Variants in POU2AF2 observed in about 807,000 individuals in gnomAD.
POU2AF2 encodes POU class 2 homeobox associating factor 2, also known as POU domain class 2-associating factor 2.
chr11:111,282,890 A>C, the POU2AF2 span, among the ~76,000 whole-genome samples: 1 of 152,110 alleles, frequency 6.6e-6, no homozygotes, highest in African/African-American at 2.4e-5. Flanking sequence ...TATGCCCTCA[A>C]ACATGTTCTG....
chr11:111,284,426 C>T, the POU2AF2 span: 1 of 1,519,190 alleles, frequency 6.6e-7, no homozygotes, highest in East Asian at 2.3e-5. Flanking sequence ...GGGCGAGGCT[C>T]GCCCTCTGGC....
the POU2AF2 span, among the ~76,000 whole-genome samples, chr11:111,280,566 C>T: frequency 6.6e-6 from 1 of 152,180 alleles, no homozygotes; most frequent in Non-Finnish European, 1.5e-5. Flanking sequence ...AGCCAATCCA[C>T]ACTGTCTACA....
chr11:111,262,613 T>C, the POU2AF2 span, among the ~76,000 whole-genome samples: 1 of 152,160 alleles, frequency 6.6e-6, no homozygotes, highest in Non-Finnish European at 1.5e-5. Context: ...GGGTAACACA[T>C]CTCTCCTCCA....
chr11:111,280,078 A>C, the POU2AF2 span, among the ~76,000 whole-genome samples: 2 of 129,634 alleles, frequency 1.5e-5, no homozygotes, highest in Admixed American at 8.2e-5. Flanking sequence ...ATATATATAT[A>C]TATCTTTTGG....
At chr11:111,268,474 C>CTTT in the POU2AF2 span, among the ~76,000 whole-genome samples, 2 of 70,794 alleles carry the variant, frequency 2.8e-5, no homozygotes, top group Non-Finnish European at 6.8e-5. Flanking sequence ...CTACATTTTT[C>CTTT]TTTTTTTATT....
chr11:111,278,113 G>T, the POU2AF2 span, among the ~76,000 whole-genome samples: 1 of 152,178 alleles, frequency 6.6e-6, no homozygotes, highest in East Asian at 1.9e-4. Context: ...ATATACCACA[G>T]ATTTGAAGGA....
chr11:111,250,889 C>A, the POU2AF2 span, among the ~76,000 whole-genome samples: 1 of 152,092 alleles, frequency 6.6e-6, no homozygotes, highest in Non-Finnish European at 1.5e-5. Context: ...TTCAGAAACG[C>A]TGGGGTACAG....
the POU2AF2 span, among the ~76,000 whole-genome samples, chr11:111,282,988 C>A: frequency 7.0e-6 from 1 of 142,980 alleles, no homozygotes; most frequent in Non-Finnish European, 1.6e-5. Context: ...CATTTCACTG[C>A]TGGGCTTACC....
chr11:111,247,984 C>T, the POU2AF2 span, among the ~76,000 whole-genome samples: 5 of 147,766 alleles, frequency 3.4e-5, no homozygotes, highest in Admixed American at 2.7e-4. Flanking sequence ...CCCGAATTCA[C>T]GCCATTCTCC....
At chr11:111,277,505 G>C in the POU2AF2 span, among the ~76,000 whole-genome samples, 4 of 152,364 alleles carry the variant, frequency 2.6e-5, no homozygotes, top group Non-Finnish European at 4.4e-5. Context: ...AAGGGGCTGT[G>C]TCAGCCACAA....
the POU2AF2 span, among the ~76,000 whole-genome samples, chr11:111,278,401 A>G: frequency 6.6e-6 from 1 of 152,258 alleles, no homozygotes; most frequent in Non-Finnish European, 1.5e-5. Context: ...GCACGTTTGC[A>G]TTCCCCTAAA....
chr11:111,286,090 C>T, the POU2AF2 span: 1 of 1,595,190 alleles, frequency 6.3e-7, no homozygotes, highest in Admixed American at 1.9e-5. Context: ...TTTTCTTTAA[C>T]TTGAGGTGTA....
chr11:111,258,663 T>C, the POU2AF2 span, among the ~76,000 whole-genome samples: 1 of 152,230 alleles, frequency 6.6e-6, no homozygotes, highest in Non-Finnish European at 1.5e-5. Flanking sequence ...ACATAATTAA[T>C]TATAAGCCAT....
the POU2AF2 span, among the ~76,000 whole-genome samples, chr11:111,272,343 T>C: frequency 2.0e-5 from 3 of 152,164 alleles, no homozygotes; most frequent in Admixed American, 6.5e-5. Flanking sequence ...TCAGGCTATG[T>C]CACTTAGCAG....
chr11:111,274,383 T>C, the POU2AF2 span, among the ~76,000 whole-genome samples: 1 of 152,164 alleles, frequency 6.6e-6, no homozygotes. Flanking sequence ...TGAAAATGTT[T>C]TACATCATGA....
At chr11:111,261,570 G>C in the POU2AF2 span, among the ~76,000 whole-genome samples, 2 of 151,960 alleles carry the variant, frequency 1.3e-5, no homozygotes, top group African/African-American at 4.8e-5. Flanking sequence ...CTGACATGAG[G>C]GGGGAAAAAT....
At chr11:111,259,062 A>G in the POU2AF2 span, among the ~76,000 whole-genome samples, 1 of 152,252 alleles carries the variant, frequency 6.6e-6, no homozygotes, top group South Asian at 2.1e-4. Context: ...CAAGCCCTAG[A>G]CTGAAACTGA....
chr11:111,255,486 C>G, the POU2AF2 span, among the ~76,000 whole-genome samples: 1 of 152,134 alleles, frequency 6.6e-6, no homozygotes, highest in Non-Finnish European at 1.5e-5. Flanking sequence ...TGCAGTAAAC[C>G]AATAACAAAC....
At chr11:111,269,437 T>C in the POU2AF2 span, among the ~76,000 whole-genome samples, 1 of 152,108 alleles carries the variant, frequency 6.6e-6, no homozygotes, top group Non-Finnish European at 1.5e-5. Context: ...TCCCTCACAA[T>C]CACAGAAATT....
Sources: gnomAD v4.1 joint callset for allele counts (sites outside exome capture counted in the v4.1 genomes callset) on GRCh38, gnomAD v4.1.1 for gene constraint, MANE v1.5 for transcripts, NCBI Gene and HGNC (gene_info 2026-07-23, HGNC 2026-07-21) for gene names.